The following ZFAT variants were observed in gnomAD, a reference collection of about 807,000 sequenced individuals.
ZFAT encodes zinc finger and AT-hook domain containing.
A neutral mutation model predicts 117.7 loss-of-function variants in ZFAT; 64 were observed. The ratio of observed to expected loss-of-function variants is 0.54; its 90% CI spans 0.44 to 0.67. The LOEUF (loss-of-function observed/expected upper bound fraction) is 0.67, where lower values mean the gene tolerates loss of function less well. Among genes scored for constraint, ZFAT ranks in the 30% least tolerant of loss-of-function variants. The pLI, the probability that ZFAT is intolerant of heterozygous loss-of-function variation, is 0.00. For missense variants in ZFAT, 1,433 were observed against 1,584.5 expected, an observed-to-expected ratio of 0.90 and a Z score of 1.62; for synonymous variants, 679 against 615.0, an observed-to-expected ratio of 1.10 and a Z score of -1.54.
intron 7 of ZFAT, among the ~76,000 whole-genome samples, chr8:134,596,100 C>A (rs905254129): frequency 6.6e-6 from 1 of 152,200 alleles, no homozygotes; most frequent in Admixed American, 6.5e-5. Flanking sequence ...AGGTCCCATG[C>A]CTTTCCTGAT....
chr8:134,769,081 G>A, the ZFAT span, among the ~76,000 whole-genome samples: 1 of 152,206 alleles, frequency 6.6e-6, no homozygotes, highest in South Asian at 2.1e-4. Context: ...GCTGAGGCAG[G>A]AGAATCGCTT....
intron 11 of ZFAT, among the ~76,000 whole-genome samples, chr8:134,553,069 G>A (rs766890220): frequency 3.3e-5 from 5 of 152,242 alleles, no homozygotes; most frequent in Non-Finnish European, 7.3e-5. Context: ...CAAGGGCAGG[G>A]CAAGGCCCTT....
chr8:134,560,684 CA>C (rs1823982681), intron 11 of ZFAT, among the ~76,000 whole-genome samples: 1 of 152,004 alleles, frequency 6.6e-6, no homozygotes, highest in Admixed American at 6.5e-5. Context: ...TGGAAGAAAG[CA>C]AAGAGTTGAA....
chr8:134,788,857 C>T, the ZFAT span, among the ~76,000 whole-genome samples: 767 of 152,196 alleles, frequency 5.0e-3, 14 homozygotes, highest in East Asian at 0.072. Flanking sequence ...TGCCTTAAAT[C>T]TCATTGCCTG....
At chr8:134,794,862 T>G in the ZFAT span, 1 of 152,246 alleles carries the variant, frequency 6.6e-6, no homozygotes, top group Non-Finnish European at 1.5e-5. Flanking sequence ...CACATGAGCT[T>G]GGAAGCAAAA....
chr8:134,667,200 T>C (rs1463434770), intron 1 of ZFAT, among the ~76,000 whole-genome samples: 7 of 152,182 alleles, frequency 4.6e-5, no homozygotes, highest in East Asian at 1.9e-4. Context: ...GTTTAAAACA[T>C]AGATGACAGG....
At chr8:134,784,371 G>A in the ZFAT span, 1 of 152,000 alleles carries the variant, frequency 6.6e-6, no homozygotes, top group Non-Finnish European at 1.5e-5. Flanking sequence ...TAATGACAAA[G>A]TTATGTTCTT....
the ZFAT span, among the ~76,000 whole-genome samples, chr8:134,773,698 G>T: frequency 6.6e-6 from 1 of 152,160 alleles, no homozygotes; most frequent in Non-Finnish European, 1.5e-5. Context: ...AAACCTTATG[G>T]ATGACTTTGA....
chr8:134,602,350 C>T lies in ZFAT; in HGVS notation c.1369G>A (p.Val457Met), dbSNP rs374100557. The change falls in exon 6 of 16, where the codon GTG (valine) becomes ATG (methionine). Residue 457 changes from valine to methionine, a missense_variant. Val to Met is a conservative substitution (Grantham distance 21). This residue lies in a region of ZFAT where 73 missense variants were observed against 122.0 expected (regional missense o/e 0.60). Coordinates refer to ENST00000377838, the MANE Select transcript of ZFAT (RefSeq NM_020863.4). The part of the protein sequence containing the change: ...LELHVRKHPF[V>M]YVCAVCRKKF... ...TTGCGGCAGACGGCACAGACGTACA[C>T]GAAGGGGTGCTTCCTGACATGCAGT... The T allele has an allele frequency of 2.6e-5, 42 of 1,613,710 alleles. No individual in the cohort carries two copies. The highest frequency in any genetic ancestry group is 8.3e-5 in the Admixed American group (5 of 60,014).
At chr8:134,788,577 T>A in the ZFAT span, among the ~76,000 whole-genome samples, 3 of 152,174 alleles carry the variant, frequency 2.0e-5, no homozygotes, top group Non-Finnish European at 4.4e-5. Context: ...TTATGTTTTT[T>A]AAATCAAGTA....
chr8:134,679,257 C>T (rs1356980691), intron 1 of ZFAT, among the ~76,000 whole-genome samples: 1 of 152,158 alleles, frequency 6.6e-6, no homozygotes, highest in Admixed American at 6.6e-5. Flanking sequence ...AAACAAACAA[C>T]CCCATCAGAA....
intron 10 of ZFAT, among the ~76,000 whole-genome samples, chr8:134,578,466 T>C (rs553341636): frequency 6.9e-6 from 1 of 144,408 alleles, no homozygotes; most frequent in Admixed American, 6.9e-5. Context: ...AGATGCTAGC[T>C]GGGGGAGAGT....
intron 10 of ZFAT, among the ~76,000 whole-genome samples, chr8:134,571,219 G>A (rs1345889251): frequency 6.6e-6 from 1 of 152,226 alleles, no homozygotes; most frequent in African/African-American, 2.4e-5. Flanking sequence ...CAAAGGCAAG[G>A]AGCCATGGTG....
In ZFAT at chr8:134,601,514, G is replaced by A; in HGVS notation, c.2205C>T (p.Ile735=). ...KQMNTSLCER[I]RKVYGDLECE... is the part of the protein sequence containing the mutation. Reference sequence around the variant, plus strand: ...ACTCCAGGTCTCCATAAACCTTCCGGATCCGCTCACACAAGCTGGTGTTCA... The same window carrying A: ...ACTCCAGGTCTCCATAAACCTTCCGAATCCGCTCACACAAGCTGGTGTTCA... Residue 735 remains isoleucine, a synonymous_variant, in exon 6 of 16, where the codon ATC becomes ATT. Coordinates refer to ENST00000377838, the MANE Select transcript of ZFAT (RefSeq NM_020863.4). 8 of 1,614,004 alleles carry A rather than the reference G, an allele frequency of 5.0e-6. No individual in the cohort carries two copies. The highest frequency in any genetic ancestry group is 5.9e-6 in the Non-Finnish European group (7 of 1,179,924).
intron 1 of ZFAT, among the ~76,000 whole-genome samples, chr8:134,687,661 T>C (rs77849796): frequency 1.3e-5 from 2 of 151,954 alleles, no homozygotes; most frequent in Non-Finnish European, 2.9e-5. Flanking sequence ...AGCTCCCCAT[T>C]TGCAAACTGA....
At chr8:134,690,215 G>A (rs1032485039) in intron 1 of ZFAT, among the ~76,000 whole-genome samples, 2 of 152,196 alleles carry the variant, frequency 1.3e-5, no homozygotes, top group Admixed American at 6.5e-5. Flanking sequence ...CTCCAGCGGG[G>A]TAGGAGAAGG....
chr8:134,774,231 A>G, the ZFAT span, among the ~76,000 whole-genome samples: 1 of 152,100 alleles, frequency 6.6e-6, no homozygotes, highest in Admixed American at 6.5e-5. Flanking sequence ...TCCTGACTTC[A>G]GGTGATCCAC....
At position 134,657,763 on chromosome 8, in the gene ZFAT, G is replaced by A. The variant is rs757617973; in HGVS notation, c.20-26C>T. ...CTGTAAGGAAAAAAAAGGAAAATATGTTATTTCATCTCCACATAAACAATT... is the reference window on the plus strand; with the variant it reads ...CTGTAAGGAAAAAAAAGGAAAATATATTATTTCATCTCCACATAAACAATT... On this transcript the variant is annotated intron_variant, in intron 1 of 15. Transcript: ENST00000377838. The A allele has an allele frequency of 1.3e-5, 21 of 1,605,416 alleles. No homozygotes were observed. The South Asian group carries it at 2.3e-4, about 18-fold the overall frequency.
intron 4 of ZFAT, 36 bp downstream of exon 4, chr8:134,610,434 G>A (rs543535321): frequency 3.1e-5 from 50 of 1,594,974 alleles, no homozygotes; most frequent in Non-Finnish European, 4.1e-5. Flanking sequence ...ACTTGCCAAG[G>A]GTCTTGCCTT....
Sources: allele counts gnomAD v4.1 joint callset (sites outside exome capture counted in the v4.1 genomes callset), GRCh38; gene constraint gnomAD v4.1.1; regional missense constraint gnomAD v4.1.1; transcripts MANE v1.5; gene names NCBI Gene and HGNC (gene_info 2026-07-23, HGNC 2026-07-21).